The following WDR72 variants were observed in gnomAD, a reference collection of about 807,000 sequenced individuals.
WDR72 encodes WD repeat domain 72, also known as WD repeat-containing protein 72.
A neutral mutation model predicts 124.2 loss-of-function variants in WDR72; 120 were observed. The observed-to-expected ratio is 0.97, with a 90% confidence interval of 0.83 to 1.12. WDR72 has a LOEUF of 1.12. WDR72 is among the 50% of genes most tolerant of loss of function. The pLI, the probability that WDR72 is intolerant of heterozygous loss-of-function variation, is 0.00. For synonymous variants in WDR72, 452 were observed against 441.7 expected (o/e 1.02, Z -0.29); for missense variants, 1,387 against 1,278.8 (o/e 1.08, Z -1.29).
intron 18 of WDR72, among the ~76,000 whole-genome samples, chr15:53,533,129 TG>T (rs1892571260): frequency 1.3e-5 from 2 of 152,012 alleles, no homozygotes; most frequent in South Asian, 4.1e-4. Context: ...ACTCCACACT[TG>T]GAACACTGTG....
chr15:53,642,293 G>A (rs1277178826), intron 14 of WDR72, among the ~76,000 whole-genome samples: 1 of 152,098 alleles, frequency 6.6e-6, no homozygotes, highest in Middle Eastern at 3.4e-3. Flanking sequence ...GTATGTATCA[G>A]AAGCTTAGTT....
chr15:53,714,320 A>G, intron 6 of WDR72, 114 bp downstream of exon 6: 1 of 854,004 alleles, frequency 1.2e-6, no homozygotes, highest in Non-Finnish European at 1.9e-6. Context: ...GAATTTATAC[A>G]CTTCTATGTT....
At chr15:53,688,578 G>T (rs1309454100) in intron 13 of WDR72, among the ~76,000 whole-genome samples, 1 of 152,086 alleles carries the variant, frequency 6.6e-6, no homozygotes, top group Non-Finnish European at 1.5e-5. Context: ...ACAAACAAAT[G>T]GAAGAACATT....
intron 6 of WDR72, 45 bp downstream of exon 6, chr15:53,714,389 A>T (rs760562329): frequency 1.4e-6 from 2 of 1,439,876 alleles, no homozygotes; most frequent in South Asian, 2.3e-5. Context: ...TTTAATGAAT[A>T]TGCTTGAAAT....
At chr15:53,742,489 C>T (rs540961581) in intron 1 of WDR72, among the ~76,000 whole-genome samples, 1 of 152,094 alleles carries the variant, frequency 6.6e-6, no homozygotes, top group South Asian at 2.1e-4. Flanking sequence ...AATTTGAGTA[C>T]CTGAATGATA....
At chr15:53,593,186 A>G (rs930833164) in intron 18 of WDR72, among the ~76,000 whole-genome samples, 5 of 152,218 alleles carry the variant, frequency 3.3e-5, no homozygotes, top group African/African-American at 9.6e-5. Context: ...CAATAATTAA[A>G]TATTCTGCAT....
chr15:53,529,166 T>TATA (rs1566943841), intron 18 of WDR72, among the ~76,000 whole-genome samples: 4 of 48,768 alleles, frequency 8.2e-5, no homozygotes, highest in Admixed American at 2.3e-4. Flanking sequence ...ATATATATAT[T>TATA]TTTTTTTTTT....
intron 9 of WDR72, among the ~76,000 whole-genome samples, chr15:53,710,478 CTT>C (rs1175871225): frequency 1.3e-5 from 2 of 152,224 alleles, no homozygotes; most frequent in Non-Finnish European, 2.9e-5. Context: ...ACTCTTGAAA[CTT>C]TTCCAATTAT....
chr15:53,731,617 G>A (rs2018205552), intron 2 of WDR72, among the ~76,000 whole-genome samples: 1 of 151,256 alleles, frequency 6.6e-6, no homozygotes, highest in Non-Finnish European at 1.5e-5. Flanking sequence ...CCAAGCAGAA[G>A]ACTTGCTCCT....
chr15:53,562,506 G>A (rs74523137), intron 18 of WDR72, among the ~76,000 whole-genome samples: 23,639 of 151,692 alleles, frequency 0.16, 2,142 homozygotes, highest in South Asian at 0.26. Context: ...TGATGCTGCT[G>A]GTCCAGGGAC....
chr15:53,706,348 GTGTATATATATATATATATATATATATA>G lies in WDR72; in HGVS notation c.955-302_955-275del, dbSNP rs1243983553. The stretch of plus-strand genomic sequence containing the variant: ...TATATGTGCGTGTGTGTGTGTGTGT[GTGTATATATATATATATATATATATATA>G]TATATATATATATATATATGGCTAT... On this transcript the variant is annotated intron_variant, in intron 9 of 19. Coordinates refer to ENST00000360509, the MANE Select transcript of WDR72 (RefSeq NM_182758.4). 2.1e-3 allele frequency among the ~76,000 whole-genome samples: 123 copies of G among 57,390 alleles called. 14 individuals are homozygous for G. In the East Asian group the frequency reaches 0.025, roughly 12 times the overall value. 37.7% of individuals were successfully genotyped at this position (57,390 alleles called of 152,430 possible).
intron 18 of WDR72, among the ~76,000 whole-genome samples, chr15:53,544,666 A>T (rs1244171450): frequency 1.4e-5 from 2 of 145,936 alleles, no homozygotes; most frequent in African/African-American, 5.2e-5. Flanking sequence ...GGCCAGGGCA[A>T]TTAGGCAGGA....
At chr15:53,720,419 A>T (rs2470078) in intron 3 of WDR72, among the ~76,000 whole-genome samples, 149,288 of 152,314 alleles carry the variant, frequency 0.98, 73,237 homozygotes, top group Middle Eastern at 1. Flanking sequence ...TTTTGTCCAA[A>T]ATTCCTTCTT....
chr15:53,742,769 T>C (rs1174954976), intron 1 of WDR72, among the ~76,000 whole-genome samples: 2 of 152,194 alleles, frequency 1.3e-5, no homozygotes, highest in Non-Finnish European at 2.9e-5. Flanking sequence ...AATACTGTAG[T>C]ACATTACACT....
At chr15:53,566,769 T>G (rs978606152) in intron 18 of WDR72, among the ~76,000 whole-genome samples, 1 of 151,954 alleles carries the variant, frequency 6.6e-6, no homozygotes, top group Non-Finnish European at 1.5e-5. Context: ...TTGAACTACT[T>G]TACAAATAAA....
At chr15:53,553,736 T>C (rs767478267) in intron 18 of WDR72, among the ~76,000 whole-genome samples, 10 of 152,182 alleles carry the variant, frequency 6.6e-5, no homozygotes, top group Non-Finnish European at 1.5e-4. Flanking sequence ...CAAATAGTCC[T>C]TGTATTTAGA....
chr15:53,607,145 C>T (rs558910748), intron 17 of WDR72, among the ~76,000 whole-genome samples: 1 of 152,074 alleles, frequency 6.6e-6, no homozygotes, highest in South Asian at 2.1e-4. Context: ...CACAAAGGTA[C>T]TGCTAAAATT....
intron 12 of WDR72, 39 bp downstream of exon 12, chr15:53,702,095 T>G (rs1428071721): frequency 1.4e-6 from 2 of 1,470,852 alleles, no homozygotes; most frequent in East Asian, 4.6e-5. Context: ...ATTTATATAA[T>G]TTTCAAATTT....
chr15:53,580,612 A>G (rs899015611), intron 18 of WDR72, among the ~76,000 whole-genome samples: 2 of 152,110 alleles, frequency 1.3e-5, no homozygotes, highest in African/African-American at 4.8e-5. Flanking sequence ...CTTACAGAGC[A>G]TGGGGAAACT....
Sources: allele counts gnomAD v4.1 joint callset (sites outside exome capture counted in the v4.1 genomes callset), GRCh38; gene constraint gnomAD v4.1.1; transcripts MANE v1.5; gene names NCBI Gene and HGNC (gene_info 2026-07-23, HGNC 2026-07-21).